PLAA: variants seen among roughly 807,000 people sequenced by gnomAD.
The protein encoded by PLAA is phospholipase A2 activating protein, also known as phospholipase A-2-activating protein.
Under a neutral mutation model 84.1 loss-of-function variants are expected in PLAA, and 48 were observed. The observed-to-expected ratio is 0.57, with a 90% CI of 0.45 to 0.73. The LOEUF is 0.73. PLAA is among the 30% of genes least tolerant of loss of function. The pLI, the probability that PLAA is intolerant of heterozygous loss-of-function variation, is 0.00. For synonymous variants in PLAA, 392 were observed against 336.6 expected, an observed-to-expected ratio of 1.16 and a Z score of -1.80; for missense variants, 903 against 954.7, an observed-to-expected ratio of 0.95 and a Z score of 0.71.
chr9:26,930,182 G>C (rs1396829039), intron 2 of PLAA, among the ~76,000 whole-genome samples: 2 of 149,952 alleles, frequency 1.3e-5, no homozygotes. Flanking sequence ...TCGGCTCACC[G>C]CAAGCTCTGC....
At chr9:26,910,266 G>A (rs1180645286) in intron 12 of PLAA, 72 bp downstream of exon 12, 4 of 1,086,340 alleles carry the variant, frequency 3.7e-6, no homozygotes, top group Admixed American at 1.8e-5. Flanking sequence ...ACACATGTTG[G>A]CAAGAGAAAC....
rs897514308 is a variant in PLAA at position 26,939,127 on chromosome 9, G to A, written c.150-3921C>T. Among the ~76,000 whole-genome samples, 17 of 152,262 alleles carry A rather than the reference G, an allele frequency of 1.1e-4. No individual in the cohort carries two copies. The East Asian group carries it at 3.1e-3, about 28-fold the overall frequency. On this transcript the variant is annotated intron_variant, in intron 1 of 13. Coordinates refer to ENST00000397292, the MANE Select transcript of PLAA (RefSeq NM_001031689.3). ...AACTAGGCCGGGCGCCGTGGCTCACGCCTGTAATCCCAGCACTTTGGGAGG... is the reference window on the plus strand; with the variant it reads ...AACTAGGCCGGGCGCCGTGGCTCACACCTGTAATCCCAGCACTTTGGGAGG...
intron 1 of PLAA, among the ~76,000 whole-genome samples, chr9:26,937,057 C>T (rs1376994943): frequency 6.6e-6 from 1 of 152,000 alleles, no homozygotes; most frequent in African/African-American, 2.4e-5. Context: ...AAGAGAATCG[C>T]TTGAACCCGG....
chr9:26,935,223 A>G lies in PLAA; in HGVS notation c.150-17T>C. On this transcript the variant is annotated splice_polypyrimidine_tract_variant and intron_variant, in intron 1 of 13. Coordinates refer to ENST00000397292, the MANE Select transcript of PLAA (RefSeq NM_001031689.3). Reference sequence around the variant, plus strand: ...CTGTTTGGACTGGAAAGACAAGATAATTAATAGATACATATTCGTACCCTG... The same window carrying G: ...CTGTTTGGACTGGAAAGACAAGATAGTTAATAGATACATATTCGTACCCTG... The G allele has an allele frequency of 6.7e-7, 1 of 1,497,220 alleles. No individual in the cohort carries two copies. The highest frequency in any genetic ancestry group is 1.4e-5 in the African/African-American group (1 of 70,094). 92.7% of individuals were successfully genotyped at this position (1,497,220 alleles called of 1,614,324 possible).
chr9:26,938,881 T>C (rs1825438475), intron 1 of PLAA, among the ~76,000 whole-genome samples: 1 of 152,200 alleles, frequency 6.6e-6, no homozygotes, highest in Non-Finnish European at 1.5e-5. Flanking sequence ...CTTTATGTTT[T>C]TAGGACACAG....
At chr9:26,916,100 T>C (rs977096357) in intron 10 of PLAA, 37 of 985,282 alleles carry the variant, frequency 3.8e-5, no homozygotes, top group Non-Finnish European at 4.3e-5. Flanking sequence ...ATCTGGGCCA[T>C]CAATAAATTC....
intron 1 of PLAA, among the ~76,000 whole-genome samples, chr9:26,944,018 G>T (rs949318855): frequency 6.6e-6 from 1 of 152,136 alleles, no homozygotes; most frequent in Non-Finnish European, 1.5e-5. Flanking sequence ...TTCATGTGCT[G>T]GAAACTTAAC....
chr9:26,921,731 G>T (rs1240891635), intron 7 of PLAA, among the ~76,000 whole-genome samples: 1 of 152,110 alleles, frequency 6.6e-6, no homozygotes, highest in Non-Finnish European at 1.5e-5. Flanking sequence ...GTCTGAGATG[G>T]TATCAGATAC....
At chr9:26,933,621 T>C (rs1261667005) in intron 2 of PLAA, among the ~76,000 whole-genome samples, 1 of 150,918 alleles carries the variant, frequency 6.6e-6, no homozygotes, top group Non-Finnish European at 1.5e-5. Context: ...ACCCTGTCTC[T>C]ACTAAAAATA....
intron 2 of PLAA, among the ~76,000 whole-genome samples, chr9:26,931,586 A>C (rs1056446776): frequency 6.6e-6 from 1 of 152,242 alleles, no homozygotes; most frequent in Non-Finnish European, 1.5e-5. Flanking sequence ...TGAACCTGAT[A>C]AAGCTACTAG....
At chr9:26,923,433 T>C (rs1459532702) in intron 6 of PLAA, 86 bp from the exon 7 acceptor site, 5 of 1,018,466 alleles carry the variant, frequency 4.9e-6, no homozygotes, top group Admixed American at 2.4e-5. Flanking sequence ...GTAAAAATAA[T>C]CTGTGTTTGT....
At chr9:26,922,775 T>A (rs1824812200) in intron 7 of PLAA, among the ~76,000 whole-genome samples, 1 of 151,664 alleles carries the variant, frequency 6.6e-6, no homozygotes, top group Admixed American at 6.6e-5. Context: ...CAAACCATCC[T>A]CCCACCTCAG....
At chr9:26,923,659 C>T (rs1824845936) in intron 6 of PLAA, among the ~76,000 whole-genome samples, 1 of 152,026 alleles carries the variant, frequency 6.6e-6, no homozygotes, top group Admixed American at 6.6e-5. Context: ...TTAGTTATTA[C>T]CATATAGAGA....
rs759303099 is a variant in PLAA at position 26,917,136 on chromosome 9, C to T, written c.1447G>A (p.Gly483Arg). 2 of 1,613,756 alleles carry T rather than the reference C, an allele frequency of 1.2e-6. No homozygotes were observed. Among genetic ancestry groups the T allele is most frequent in the Admixed American group, 3.3e-5 (2 of 59,974 alleles). Residue 483 changes from glycine to arginine, a missense_variant, in exon 10 of 14, where the codon GGA becomes AGA. Gly to Arg is a moderately radical substitution (Grantham distance 125). Coordinates refer to ENST00000397292, the MANE Select transcript of PLAA (RefSeq NM_001031689.3). ...GCTGTGGGTAGTGTGTTAGAAGATC[C>T]CGAAGAGCCCGGAACATACCGACCA... ...GGGRYVPGSS[G>R]SSNTLPTADP...
intron 2 of PLAA, among the ~76,000 whole-genome samples, chr9:26,934,527 T>C (rs1825295537): frequency 7.0e-6 from 1 of 143,858 alleles, no homozygotes; most frequent in African/African-American, 2.6e-5. Context: ...TCACCCAGGC[T>C]GGAGTGCAGT....
At chr9:26,946,043 C>T (rs1330686776) in intron 1 of PLAA, among the ~76,000 whole-genome samples, 3 of 152,150 alleles carry the variant, frequency 2.0e-5, no homozygotes, top group African/African-American at 7.2e-5. Flanking sequence ...TCCAGTATCC[C>T]AAACAAAGAG....
rs892171621 is a variant in PLAA, at chr9:26,919,524, A to G, written c.1203T>C (p.Phe401=). 7 of 1,563,614 alleles carry G rather than the reference A, an allele frequency of 4.5e-6. No homozygotes were observed. The African/African-American group carries it at 8.1e-5, about 18-fold the overall frequency. The change falls in exon 9 of 14, where the codon TTT becomes TTC. Residue 401 remains phenylalanine (F), a synonymous_variant. Coordinates refer to ENST00000397292, the MANE Select transcript of PLAA (RefSeq NM_001031689.3). The part of the protein sequence containing the change: ...SGKVLYEGKE[F]DYVFSIDVNE... The stretch of plus-strand genomic sequence containing the variant: ...TGACATCAATTGAGAAAACATAATC[A>G]AATTCCTAAAGTAGGAATATAAAAA...
At chr9:26,914,652 T>C (rs1227137080) in intron 10 of PLAA, among the ~76,000 whole-genome samples, 1 of 152,068 alleles carries the variant, frequency 6.6e-6, no homozygotes, top group Non-Finnish European at 1.5e-5. Flanking sequence ...AATTTAACCA[T>C]ATGCCAGTTA....
chr9:26,908,854 A>G lies in PLAA; in HGVS notation c.1658-856T>C, dbSNP rs144144900. Among the ~76,000 whole-genome samples, 386 of 152,340 alleles carry G rather than the reference A, an allele frequency of 2.5e-3. 3 individuals are homozygous for G. The highest frequency in any genetic ancestry group is 0.014 in the South Asian group (67 of 4,826). On this transcript the variant is annotated intron_variant, in intron 12 of 13. Transcript: ENST00000397292. Reference sequence around the variant, plus strand: ...GTCAATAACCTAGTTTCTCCATGAGAAAATTTATAACAACTTTTTAGCCAA... The same window carrying G: ...GTCAATAACCTAGTTTCTCCATGAGGAAATTTATAACAACTTTTTAGCCAA...
Sources: allele counts gnomAD v4.1 joint callset (sites outside exome capture counted in the v4.1 genomes callset), GRCh38; gene constraint gnomAD v4.1.1; transcripts MANE v1.5; gene names NCBI Gene and HGNC (gene_info 2026-07-23, HGNC 2026-07-21).